Variants in SRGAP3 observed in about 807,000 individuals in gnomAD.
SRGAP3 encodes the protein SLIT-ROBO Rho GTPase-activating protein 3.
In SRGAP3, 39 loss-of-function variants were observed where a neutral mutation model predicts 121.1. The observed-to-expected ratio is 0.32, with a 90% CI of 0.25 to 0.42. SRGAP3 has a LOEUF of 0.42. Ranked by LOEUF, SRGAP3 falls within the 10% of genes least tolerant of loss-of-function variation. The pLI is 1.00. For synonymous variants in SRGAP3, 601 were observed against 570.0 expected, an observed-to-expected ratio of 1.05 and a Z score of -0.77; for missense variants, 1,213 against 1,470.6, an observed-to-expected ratio of 0.82 and a Z score of 2.86.
intron 1 of SRGAP3, among the ~76,000 whole-genome samples, chr3:9,201,071 T>C (rs1347858149): frequency 6.6e-6 from 1 of 152,172 alleles, no homozygotes; most frequent in Non-Finnish European, 1.5e-5. Flanking sequence ...AATCAGCCAA[T>C]CCTGGTCCAG....
At chr3:9,056,383 C>A (rs766173098) in intron 7 of SRGAP3, 49 bp from the exon 8 acceptor site, 3 of 1,568,344 alleles carry the variant, frequency 1.9e-6, no homozygotes, top group Non-Finnish European at 2.6e-6. Flanking sequence ...CCCTCCTCAC[C>A]TGTGTGGAGC....
intron 1 of SRGAP3, among the ~76,000 whole-genome samples, chr3:9,221,252 C>T (rs1042929836): frequency 3.3e-5 from 5 of 152,352 alleles, no homozygotes; most frequent in African/African-American, 7.2e-5. Flanking sequence ...AAGTTATCTC[C>T]GGCCAGGCAT....
chr3:9,039,033 T>C (rs1944901149), intron 10 of SRGAP3, among the ~76,000 whole-genome samples: 1 of 152,104 alleles, frequency 6.6e-6, no homozygotes, highest in African/African-American at 2.4e-5. Context: ...CCTCACCTCT[T>C]TGCAGCTAGG....
intron 2 of SRGAP3, among the ~76,000 whole-genome samples, chr3:9,108,454 CA>C (rs35478510): frequency 6.6e-6 from 1 of 151,918 alleles, no homozygotes; most frequent in Admixed American, 6.6e-5. Context: ...TCCGTCTCTA[CA>C]AAAAATTTAA....
intron 3 of SRGAP3, among the ~76,000 whole-genome samples, chr3:9,318,872 G>C (rs772520129): frequency 2.0e-5 from 3 of 151,144 alleles, no homozygotes; most frequent in Non-Finnish European, 4.4e-5. Context: ...GACTGAGACC[G>C]CATCTCAAGA....
intron 1 of SRGAP3, among the ~76,000 whole-genome samples, chr3:9,175,422 C>T (rs1219870845): frequency 6.6e-6 from 1 of 152,206 alleles, no homozygotes; most frequent in African/African-American, 2.4e-5. Flanking sequence ...CCTGGATAAA[C>T]ATTTACAGAA....
At chr3:9,278,517 C>T (rs1954622698) in intron 3 of SRGAP3, among the ~76,000 whole-genome samples, 1 of 152,264 alleles carries the variant, frequency 6.6e-6, no homozygotes, top group African/African-American at 2.4e-5. Context: ...TAATAACAGC[C>T]CTGTGCTGGA....
intron 10 of SRGAP3, among the ~76,000 whole-genome samples, chr3:9,042,279 T>C (rs1238057265): frequency 6.6e-6 from 1 of 152,150 alleles, no homozygotes; most frequent in Non-Finnish European, 1.5e-5. Flanking sequence ...TGGTGTTCAT[T>C]TTGCACATCC....
chr3:9,151,484 T>C (rs1443840410), intron 1 of SRGAP3, among the ~76,000 whole-genome samples: 4 of 152,006 alleles, frequency 2.6e-5, no homozygotes, highest in African/African-American at 9.7e-5. Context: ...ACATCAGGGA[T>C]GCATTTTAGG....
At chr3:9,256,188 A>C (rs577942166) in intron 3 of SRGAP3, among the ~76,000 whole-genome samples, 53 of 150,900 alleles carry the variant, frequency 3.5e-4, no homozygotes, top group African/African-American at 1.2e-3. Flanking sequence ...CAATGCTGCC[A>C]AGGTCCTCTG....
At chr3:9,136,497 G>A (rs1949670848) in intron 1 of SRGAP3, among the ~76,000 whole-genome samples, 1 of 150,004 alleles carries the variant, frequency 6.7e-6, no homozygotes, top group Admixed American at 6.7e-5. Flanking sequence ...TTCCTTCTTC[G>A]CAGACGCGAG....
intron 14 of SRGAP3, among the ~76,000 whole-genome samples, chr3:9,024,514 G>A (rs1944089044): frequency 6.6e-6 from 1 of 152,180 alleles, no homozygotes; most frequent in Non-Finnish European, 1.5e-5. Context: ...GACCCAGTGA[G>A]TCCTTACTTG....
intron 1 of SRGAP3, among the ~76,000 whole-genome samples, chr3:9,146,028 G>C (rs113847287): frequency 0.033 from 5,056 of 152,292 alleles, 86 homozygotes; most frequent in Middle Eastern, 0.14. Flanking sequence ...ATGTTCAGGG[G>C]CTTAGGCCTT....
chr3:9,130,314 G>A (rs952570212), intron 1 of SRGAP3, among the ~76,000 whole-genome samples: 2 of 152,158 alleles, frequency 1.3e-5, no homozygotes, highest in Non-Finnish European at 2.9e-5. Flanking sequence ...AAGGTCACAC[G>A]TCGTTCTCTG....
intron 1 of SRGAP3, among the ~76,000 whole-genome samples, chr3:9,344,070 A>G (rs1575020959): frequency 6.6e-6 from 1 of 152,372 alleles, no homozygotes. Context: ...CTGTAATCCC[A>G]GCACTTTGGG....
chr3:9,185,853 C>G (rs1041208856), intron 1 of SRGAP3, among the ~76,000 whole-genome samples: 2 of 151,972 alleles, frequency 1.3e-5, no homozygotes, highest in Admixed American at 6.6e-5. Flanking sequence ...TCTTGATGTA[C>G]GAGATTAGAG....
intron 3 of SRGAP3, among the ~76,000 whole-genome samples, chr3:9,087,790 C>A: frequency 6.6e-6 from 1 of 152,062 alleles, no homozygotes; most frequent in Non-Finnish European, 1.5e-5. Context: ...GGCTACGCTT[C>A]AGGAAGGTGA....
intron 15 of SRGAP3, among the ~76,000 whole-genome samples, chr3:9,015,315 G>C (rs543082218): frequency 6.6e-6 from 1 of 152,084 alleles, no homozygotes; most frequent in East Asian, 1.9e-4. Context: ...ATTCCTCCTG[G>C]AACACTCTGC....
intron 1 of SRGAP3, among the ~76,000 whole-genome samples, chr3:9,350,350 A>G (rs1035633298): frequency 1.3e-5 from 2 of 152,220 alleles, no homozygotes; most frequent in Admixed American, 6.5e-5. Flanking sequence ...AACAAAGAAA[A>G]GAGATAGGAA....
Sources: allele counts gnomAD v4.1 joint callset (sites outside exome capture counted in the v4.1 genomes callset), GRCh38; gene constraint gnomAD v4.1.1; transcripts MANE v1.5; gene names NCBI Gene and HGNC (gene_info 2026-07-23, HGNC 2026-07-21).